TPRG1: variants seen among roughly 807,000 people sequenced by gnomAD.
TPRG1 encodes tumor protein p63 regulated 1.
Under a neutral mutation model 29.3 loss-of-function variants are expected in TPRG1, and 29 were observed. The observed-to-expected ratio is 0.99, with a 90% CI of 0.74 to 1.35. The LOEUF (loss-of-function observed/expected upper bound fraction) is 1.35, where lower values mean the gene tolerates loss of function less well. Ranked by LOEUF, TPRG1 falls within the 40% of genes most tolerant of loss-of-function variation. The probability of loss-of-function intolerance (pLI) is 0.00; values close to 1 mark genes in which losing one functional copy is unlikely to be tolerated. For synonymous variants in TPRG1, 130 were observed against 116.8 expected (o/e 1.11, Z -0.73); for missense variants, 327 against 335.0 (o/e 0.98, Z 0.19).
chr3:189,176,975 T>C (rs1172954961), intron 1 of TPRG1, among the ~76,000 whole-genome samples: 1 of 152,236 alleles, frequency 6.6e-6, no homozygotes, highest in Non-Finnish European at 1.5e-5. Flanking sequence ...GTTTGAAAGG[T>C]ATCCTTCTGT....
At chr3:189,184,150 A>G (rs1357235185) in intron 1 of TPRG1, among the ~76,000 whole-genome samples, 1 of 152,104 alleles carries the variant, frequency 6.6e-6, no homozygotes, top group East Asian at 1.9e-4. Flanking sequence ...ACTTTTGATG[A>G]ACTTAGAGCT....
intron 4 of TPRG1, among the ~76,000 whole-genome samples, chr3:189,245,431 T>A (rs946466455): frequency 2.6e-5 from 4 of 152,164 alleles, no homozygotes; most frequent in Non-Finnish European, 5.9e-5. Context: ...GAGATATTTT[T>A]AAATTTTTCT....
At chr3:189,178,207 A>G (rs1478591264) in intron 1 of TPRG1, among the ~76,000 whole-genome samples, 1 of 152,164 alleles carries the variant, frequency 6.6e-6, no homozygotes, top group Non-Finnish European at 1.5e-5. Flanking sequence ...ATGGGTTTTT[A>G]TTGAGGTGGA....
intron 1 of TPRG1, among the ~76,000 whole-genome samples, chr3:189,205,834 T>G (rs1047277788): frequency 6.6e-6 from 1 of 152,216 alleles, no homozygotes; most frequent in Non-Finnish European, 1.5e-5. Context: ...TTTTAAACCA[T>G]GTGTGATCAT....
intron 4 of TPRG1, among the ~76,000 whole-genome samples, chr3:189,250,069 A>G (rs1741922554): frequency 6.6e-6 from 1 of 152,102 alleles, no homozygotes; most frequent in Non-Finnish European, 1.5e-5. Flanking sequence ...ATGGAATATT[A>G]TATTTCCCAT....
upstream of TPRG1, among the ~76,000 whole-genome samples, chr3:189,098,297 G>A (rs1718820951): frequency 6.6e-6 from 1 of 152,172 alleles, no homozygotes; most frequent in Non-Finnish European, 1.5e-5. Context: ...GACAATACGA[G>A]TAAAGAAAAT....
chr3:189,220,176 T>G (rs1051612299), intron 3 of TPRG1, among the ~76,000 whole-genome samples: 1 of 152,166 alleles, frequency 6.6e-6, no homozygotes, highest in Non-Finnish European at 1.5e-5. Context: ...GCCCTTGTTT[T>G]AATAGTTTTT....
chr3:189,254,536 A>G (rs899037610), intron 4 of TPRG1, among the ~76,000 whole-genome samples: 1 of 151,874 alleles, frequency 6.6e-6, no homozygotes, highest in Non-Finnish European at 1.5e-5. Context: ...AACTTAATGT[A>G]TTTTTTCCTA....
At chr3:189,246,051 C>A (rs1022200214) in intron 4 of TPRG1, among the ~76,000 whole-genome samples, 1 of 152,206 alleles carries the variant, frequency 6.6e-6, no homozygotes, top group African/African-American at 2.4e-5. Context: ...TCATCTTGAA[C>A]TGTAGCTCTC....
At chr3:189,117,547 C>T (rs1231896832) in intron 1 of TPRG1, among the ~76,000 whole-genome samples, 1 of 152,182 alleles carries the variant, frequency 6.6e-6, no homozygotes, top group Non-Finnish European at 1.5e-5. Context: ...CATGGTTTTG[C>T]TGTGTCCTCA....
At chr3:189,117,933 G>A (rs1721374384) in intron 1 of TPRG1, among the ~76,000 whole-genome samples, 2 of 152,190 alleles carry the variant, frequency 1.3e-5, no homozygotes, top group African/African-American at 4.8e-5. Flanking sequence ...GGGTGCTGCT[G>A]TAAAGATACC....
intron 4 of TPRG1, among the ~76,000 whole-genome samples, chr3:189,248,062 G>A (rs1028802857): frequency 2.6e-5 from 4 of 151,490 alleles, no homozygotes; most frequent in African/African-American, 9.7e-5. Context: ...GACTTTATTA[G>A]ATAAACAAAT....
chr3:189,096,180 G>A (rs957044185), upstream of TPRG1, among the ~76,000 whole-genome samples: 1 of 152,228 alleles, frequency 6.6e-6, no homozygotes, highest in African/African-American at 2.4e-5. Flanking sequence ...CAAATGGAAT[G>A]CTTGCTCTCC....
At chr3:189,160,744 G>C (rs773141481) in intron 5 of TPRG1, among the ~76,000 whole-genome samples, 3 of 152,194 alleles carry the variant, frequency 2.0e-5, no homozygotes, top group Non-Finnish European at 4.4e-5. Flanking sequence ...TTACCTGCCA[G>C]ACCTGTTTCC....
At chr3:189,065,160 G>C (rs1435631111) in intron 4 of TPRG1, among the ~76,000 whole-genome samples, 1 of 152,092 alleles carries the variant, frequency 6.6e-6, no homozygotes, top group Non-Finnish European at 1.5e-5. Flanking sequence ...CTGGGTAACA[G>C]AGCTAGACTG....
chr3:189,178,284 T>C (rs1729755343), intron 1 of TPRG1, among the ~76,000 whole-genome samples: 1 of 152,188 alleles, frequency 6.6e-6, no homozygotes, highest in African/African-American at 2.4e-5. Context: ...ATCCCAGCAC[T>C]TTGGGAGGCC....
intron 4 of TPRG1, among the ~76,000 whole-genome samples, chr3:189,264,208 T>C (rs949218027): frequency 6.6e-6 from 1 of 152,208 alleles, no homozygotes; most frequent in Non-Finnish European, 1.5e-5. Flanking sequence ...CCTTTAAGTC[T>C]CTTCCCTTTC....
At chr3:189,313,110 T>G (rs1722968827) in intron 5 of TPRG1, 1 of 152,104 alleles carries the variant, frequency 6.6e-6, no homozygotes, top group African/African-American at 2.4e-5. Context: ...TATTTCTTAT[T>G]CAAAGGCCAC....
intron 1 of TPRG1, among the ~76,000 whole-genome samples, chr3:189,191,588 GC>G (rs2108742884): frequency 6.6e-6 from 1 of 152,238 alleles, no homozygotes; most frequent in African/African-American, 2.4e-5. Context: ...TTATTTGGAT[GC>G]CTTCTTGCAT....
Sources: gnomAD v4.1 joint callset for allele counts (sites outside exome capture counted in the v4.1 genomes callset) on GRCh38, gnomAD v4.1.1 for gene constraint, MANE v1.5 for transcripts, NCBI Gene and HGNC (gene_info 2026-07-23, HGNC 2026-07-21) for gene names.